TAFA5: variants seen among roughly 807,000 people sequenced by gnomAD.
TAFA5 encodes chemokine-like protein TAFA-5.
In TAFA5, 6 loss-of-function variants were observed where a neutral mutation model predicts 15.3. The observed-to-expected ratio is 0.39, with a 90% CI of 0.21 to 0.77. The LOEUF is 0.77. TAFA5 is among the 30% of genes least tolerant of loss of function. The probability of loss-of-function intolerance (pLI) is 0.41; values close to 1 mark genes in which losing one functional copy is unlikely to be tolerated. For synonymous variants in TAFA5, 103 were observed against 80.7 expected, an observed-to-expected ratio of 1.28 and a Z score of -1.48; for missense variants, 161 against 193.1, an observed-to-expected ratio of 0.83 and a Z score of 0.98.
chr22:48,638,132 C>A (rs183860191), intron 1 of TAFA5, among the ~76,000 whole-genome samples: 2 of 152,096 alleles, frequency 1.3e-5, no homozygotes, highest in African/African-American at 2.4e-5. Context: ...CCTGTCACCA[C>A]GTCCTGGCAG....
chr22:48,646,993 G>A (rs1437686309), intron 2 of TAFA5, among the ~76,000 whole-genome samples: 6 of 152,156 alleles, frequency 3.9e-5, no homozygotes, highest in Non-Finnish European at 8.8e-5. Context: ...TGCCTTACTT[G>A]CCTATGTTTG....
At chr22:48,739,545 C>T (rs1456812607) in intron 3 of TAFA5, among the ~76,000 whole-genome samples, 1 of 152,178 alleles carries the variant, frequency 6.6e-6, no homozygotes, top group African/African-American at 2.4e-5. Context: ...AGGACACCTG[C>T]ATGCAGGTGC....
intron 3 of TAFA5, among the ~76,000 whole-genome samples, chr22:48,748,427 A>G (rs1930389884): frequency 6.6e-6 from 1 of 152,234 alleles, no homozygotes; most frequent in African/African-American, 2.4e-5. Flanking sequence ...GCTGTGACCC[A>G]GGCCACAAGT....
At chr22:48,537,956 C>T (rs1922228645) in intron 1 of TAFA5, among the ~76,000 whole-genome samples, 1 of 152,218 alleles carries the variant, frequency 6.6e-6, no homozygotes, top group South Asian at 2.1e-4. Context: ...GGCCATTTGG[C>T]GTGGGGATGC....
chr22:48,688,102 G>GT lies in TAFA5; in HGVS notation c.263-19606dup, dbSNP rs130111. On this transcript the variant is annotated intron_variant, in intron 2 of 3. Transcript: ENST00000402357. ...TTATTGTTTTTTTGTGTGTTTTGGG[G>GT]TTTTTTTTTCCCTCTCTCTCATCTA... Among the ~76,000 whole-genome samples, 666 of 150,438 alleles carry GT rather than the reference G, an allele frequency of 4.4e-3. 9 individuals are homozygous for GT. Among genetic ancestry groups the GT allele is most frequent in the African/African-American group, 0.015 (629 of 40,864 alleles).
At chr22:48,650,171 T>C (rs369479814) in intron 2 of TAFA5, among the ~76,000 whole-genome samples, 3 of 152,112 alleles carry the variant, frequency 2.0e-5, no homozygotes, top group South Asian at 4.1e-4. Context: ...CTGTGTTGGG[T>C]CGGTGTTGGA....
chr22:48,523,179 C>G (rs1013228118), intron 1 of TAFA5, among the ~76,000 whole-genome samples: 1 of 152,264 alleles, frequency 6.6e-6, no homozygotes, highest in African/African-American at 2.4e-5. Flanking sequence ...CTGCTGCGCC[C>G]TGCACGGAGC....
intron 1 of TAFA5, among the ~76,000 whole-genome samples, chr22:48,579,545 A>G (rs927530444): frequency 6.6e-6 from 1 of 152,250 alleles, no homozygotes; most frequent in Non-Finnish European, 1.5e-5. Context: ...TGTGTCACGG[A>G]GACGCGAGAG....
At chr22:48,513,376 G>A (rs1313607858) in intron 1 of TAFA5, among the ~76,000 whole-genome samples, 1 of 152,226 alleles carries the variant, frequency 6.6e-6, no homozygotes, top group East Asian at 1.9e-4. Flanking sequence ...AGGTCCACAT[G>A]AAGGGAGGGC....
At chr22:48,557,340 G>T (rs1392852948) in intron 1 of TAFA5, among the ~76,000 whole-genome samples, 3 of 152,164 alleles carry the variant, frequency 2.0e-5, no homozygotes, top group African/African-American at 4.8e-5. Flanking sequence ...GACACAGAGA[G>T]AAGACGGCGT....
At chr22:48,724,946 T>G (rs1601700217) in intron 3 of TAFA5, among the ~76,000 whole-genome samples, 1 of 152,336 alleles carries the variant, frequency 6.6e-6, no homozygotes, top group East Asian at 1.9e-4. Context: ...CAGAAGAGCC[T>G]CTTAGCTAGA....
chr22:48,631,745 G>C (rs1926236314), intron 1 of TAFA5, among the ~76,000 whole-genome samples: 1 of 152,232 alleles, frequency 6.6e-6, no homozygotes, highest in East Asian at 1.9e-4. Flanking sequence ...GGGGAAATCT[G>C]ACGCCCTCCA....
At chr22:48,647,562 C>G (rs562927052) in intron 2 of TAFA5, among the ~76,000 whole-genome samples, 1 of 152,258 alleles carries the variant, frequency 6.6e-6, no homozygotes, top group South Asian at 2.1e-4. Flanking sequence ...CCCCAAGGCC[C>G]AGTGTGTCCC....
At chr22:48,686,716 G>T (rs1041120305) in intron 2 of TAFA5, among the ~76,000 whole-genome samples, 4 of 152,052 alleles carry the variant, frequency 2.6e-5, no homozygotes, top group Admixed American at 2.0e-4. Context: ...ATGGATGCTT[G>T]AATGGATGGA....
chr22:48,553,234 C>T (rs181782124), intron 1 of TAFA5, among the ~76,000 whole-genome samples: 3 of 152,282 alleles, frequency 2.0e-5, no homozygotes, highest in Admixed American at 2.0e-4. Flanking sequence ...GCTCTGTGCC[C>T]CTCCTGCCTG....
rs1310835815 is a variant in TAFA5 at position 48,583,218 on chromosome 22, C to T, written c.113-63379C>T. 2.7e-5 allele frequency among the ~76,000 whole-genome samples: 4 copies of T among 145,586 alleles called. No homozygotes were observed. The East Asian group carries it at 8.8e-4, about 32-fold the overall frequency. On this transcript the variant is annotated intron_variant, in intron 1 of 3. Transcript: ENST00000402357. ...CACAAAATATACACATACCACACAC[C>T]ACATACAAAATACACCACACACCGC...
At chr22:48,735,219 G>A (rs1929975323) in intron 3 of TAFA5, among the ~76,000 whole-genome samples, 1 of 152,114 alleles carries the variant, frequency 6.6e-6, no homozygotes, top group South Asian at 2.1e-4. Flanking sequence ...CAAGGAGCTG[G>A]GAGCTGGAGC....
chr22:48,540,888 A>G (rs1922345591), intron 1 of TAFA5, among the ~76,000 whole-genome samples: 4 of 151,734 alleles, frequency 2.6e-5, no homozygotes, highest in Admixed American at 2.6e-4. Context: ...AAAAAAAAAA[A>G]AAAAATACAA....
intron 3 of TAFA5, among the ~76,000 whole-genome samples, chr22:48,737,154 C>T (rs1930052580): frequency 1.3e-5 from 2 of 152,080 alleles, no homozygotes; most frequent in Non-Finnish European, 2.9e-5. Context: ...GAGGACTCTG[C>T]CCCGTGTCGA....
Sources: gnomAD v4.1 joint callset for allele counts (sites outside exome capture counted in the v4.1 genomes callset) on GRCh38, gnomAD v4.1.1 for gene constraint, MANE v1.5 for transcripts, NCBI Gene and HGNC (gene_info 2026-07-23, HGNC 2026-07-21) for gene names.